Variants in CSGALNACT1 observed in about 807,000 individuals in gnomAD.
CSGALNACT1 encodes the protein chondroitin sulfate N-acetylgalactosaminyltransferase 1.
In CSGALNACT1, 52 loss-of-function variants were observed where a neutral mutation model predicts 51.0. The ratio of observed to expected loss-of-function variants is 1.02; its 90% confidence interval spans 0.82 to 1.29. CSGALNACT1 has a LOEUF of 1.29. Ranked by LOEUF, CSGALNACT1 falls within the 50% of genes most tolerant of loss-of-function variation. CSGALNACT1 has a pLI of 0.00. For missense variants in CSGALNACT1, 935 were observed against 679.2 expected (o/e 1.38, Z -4.19); for synonymous variants, 341 against 254.4 (o/e 1.34, Z -3.24).
intron 4 of CSGALNACT1, among the ~76,000 whole-genome samples, chr8:19,500,200 A>C (rs2076174166): frequency 6.6e-6 from 1 of 152,094 alleles, no homozygotes; most frequent in South Asian, 2.1e-4. Flanking sequence ...GGGTGACAGT[A>C]GTCAGAAGGA....
intron 9 of CSGALNACT1, among the ~76,000 whole-genome samples, chr8:19,406,437 A>C (rs1019575447): frequency 1.2e-4 from 18 of 152,004 alleles, no homozygotes; most frequent in African/African-American, 4.4e-4. Context: ...TGTGATTATG[A>C]ATTAGCTATT....
At chr8:19,541,474 G>A (rs757110067) in intron 3 of CSGALNACT1, among the ~76,000 whole-genome samples, 9 of 148,752 alleles carry the variant, frequency 6.1e-5, no homozygotes, top group East Asian at 2.0e-4. Flanking sequence ...GGATGGTCTC[G>A]ATCTCCTGAC....
chr8:19,634,270 T>A (rs1456977041), intron 1 of CSGALNACT1, among the ~76,000 whole-genome samples: 3 of 152,134 alleles, frequency 2.0e-5, no homozygotes, highest in Admixed American at 2.0e-4. Flanking sequence ...CTTAACTCCT[T>A]AGTGTGATGG....
intron 8 of CSGALNACT1, among the ~76,000 whole-genome samples, chr8:19,417,476 A>G (rs2057113318): frequency 6.6e-6 from 1 of 152,200 alleles, no homozygotes; most frequent in Non-Finnish European, 1.5e-5. Flanking sequence ...TGCTATTTCT[A>G]GAAGCTTACA....
At chr8:19,577,401 C>CAA (rs111734132) in intron 3 of CSGALNACT1, among the ~76,000 whole-genome samples, 6 of 104,256 alleles carry the variant, frequency 5.8e-5, no homozygotes, top group Admixed American at 1.9e-4. Context: ...CCCACCTCTA[C>CAA]AAAAAAAAAA....
chr8:19,570,092 A>ATTTTT (rs35994246), intron 3 of CSGALNACT1, among the ~76,000 whole-genome samples: 23 of 144,594 alleles, frequency 1.6e-4, no homozygotes, highest in African/African-American at 5.8e-4. Flanking sequence ...TTGGGGGCCT[A>ATTTTT]TTTTTTTTTT....
chr8:19,606,522 T>G (rs1166619650), upstream of CSGALNACT1, among the ~76,000 whole-genome samples: 1 of 152,234 alleles, frequency 6.6e-6, no homozygotes, highest in Non-Finnish European at 1.5e-5. Flanking sequence ...ATAGTATGTT[T>G]TAGAACACAA....
intron 1 of CSGALNACT1, among the ~76,000 whole-genome samples, chr8:19,721,212 C>A (rs561291605): frequency 6.6e-6 from 1 of 152,272 alleles, no homozygotes; most frequent in East Asian, 1.9e-4. Context: ...CCTGTCACCA[C>A]CATTTCCAAA....
chr8:19,650,817 C>G (rs557495574), intron 1 of CSGALNACT1, among the ~76,000 whole-genome samples: 1 of 152,322 alleles, frequency 6.6e-6, no homozygotes, highest in Middle Eastern at 3.4e-3. Context: ...TGAGTCTTGG[C>G]TTCTTAGAAA....
At chr8:19,479,283 A>G (rs1453740609) in intron 4 of CSGALNACT1, among the ~76,000 whole-genome samples, 1 of 152,208 alleles carries the variant, frequency 6.6e-6, no homozygotes, top group East Asian at 1.9e-4. Flanking sequence ...GGCCACAGCT[A>G]TAAAGAAACA....
intron 4 of CSGALNACT1, among the ~76,000 whole-genome samples, chr8:19,468,529 G>A (rs571023641): frequency 4.6e-5 from 7 of 152,194 alleles, no homozygotes; most frequent in Admixed American, 2.0e-4. Flanking sequence ...AGTGTGGGGC[G>A]CAGGTGGATG....
chr8:19,551,596 G>A lies in CSGALNACT1; in HGVS notation c.-297+39564C>T, dbSNP rs111345968. Among the ~76,000 whole-genome samples, 560 of 152,290 alleles carry A rather than the reference G, an allele frequency of 3.7e-3. 4 individuals carry two copies. Among genetic ancestry groups the A allele is most frequent in the African/African-American group, 0.013 (541 of 41,562 alleles). On this transcript the variant is annotated intron_variant, in intron 3 of 9. Coordinates refer to ENST00000454498, the Ensembl canonical transcript of CSGALNACT1. ...TATTGCGTGCAAGCAAATAGATCCAGTCTGGTTTGCTTACAGTTCCAAGTC... is the reference window on the plus strand; with the variant it reads ...TATTGCGTGCAAGCAAATAGATCCAATCTGGTTTGCTTACAGTTCCAAGTC...
In CSGALNACT1 at chr8:19,430,755, G is replaced by C. The variant is rs75082695; in HGVS notation, c.953+9075C>G. 5.5e-3 allele frequency among the ~76,000 whole-genome samples: 843 copies of C among 152,204 alleles called. 13 individuals carry two copies. The highest frequency in any genetic ancestry group is 0.034 in the Admixed American group (519 of 15,280). On this transcript the variant is annotated intron_variant, in intron 6 of 9. Transcript: ENST00000454498. ...GAAAGTCATCTTGGATTTTAATAGG[G>C]ATTGTACTGAAACTATAGATCGACT...
chr8:19,677,567 G>A (rs985058023), intron 1 of CSGALNACT1, among the ~76,000 whole-genome samples: 1 of 152,210 alleles, frequency 6.6e-6, no homozygotes, highest in Non-Finnish European at 1.5e-5. Flanking sequence ...AAAGGGCAGG[G>A]CTTTGGCATG....
At chr8:19,540,624 C>G (rs1350455780) in intron 3 of CSGALNACT1, among the ~76,000 whole-genome samples, 2 of 152,170 alleles carry the variant, frequency 1.3e-5, no homozygotes, top group South Asian at 4.1e-4. Flanking sequence ...TCTTTGTGAT[C>G]TGATCTCTAC....
At chr8:19,753,268 G>T (rs1034829195) in intron 1 of CSGALNACT1, among the ~76,000 whole-genome samples, 19 of 152,056 alleles carry the variant, frequency 1.2e-4, no homozygotes, top group African/African-American at 1.9e-4. Flanking sequence ...AGAGGGAAAT[G>T]ATATTTAAAA....
intron 1 of CSGALNACT1, among the ~76,000 whole-genome samples, chr8:19,627,941 T>C (rs2054659451): frequency 6.6e-6 from 1 of 152,178 alleles, no homozygotes; most frequent in Non-Finnish European, 1.5e-5. Context: ...ACTATAACTA[T>C]GAAAGATGTT....
chr8:19,645,112 G>A (rs1437525137), intron 1 of CSGALNACT1, among the ~76,000 whole-genome samples: 3 of 152,178 alleles, frequency 2.0e-5, no homozygotes, highest in African/African-American at 7.2e-5. Context: ...GACTGTCAGA[G>A]CAAAACATTA....
intron 1 of CSGALNACT1, among the ~76,000 whole-genome samples, chr8:19,664,198 G>A (rs911878912): frequency 2.0e-5 from 3 of 152,146 alleles, no homozygotes; most frequent in African/African-American, 7.2e-5. Flanking sequence ...TTTCAAAGCT[G>A]TAAATCTAGG....
Sources: allele counts gnomAD v4.1 joint callset (sites outside exome capture counted in the v4.1 genomes callset), GRCh38; gene constraint gnomAD v4.1.1; transcripts MANE v1.5; gene names NCBI Gene and HGNC (gene_info 2026-07-23, HGNC 2026-07-21).